Variants in IFT52 observed in about 807,000 individuals in gnomAD.
The protein encoded by IFT52 is intraflagellar transport protein 52 homolog.
IFT52 carries 44 observed loss-of-function variants against 54.4 expected under a neutral mutation model. The ratio of observed to expected loss-of-function variants is 0.81; its 90% CI spans 0.63 to 1.04. The LOEUF is 1.04. Ranked by LOEUF, IFT52 falls within the 50% of genes least tolerant of loss-of-function variation. IFT52 has a pLI of 0.00. For synonymous variants in IFT52, 181 were observed against 185.3 expected, an observed-to-expected ratio of 0.98 and a Z score of 0.19; for missense variants, 452 against 523.6, an observed-to-expected ratio of 0.86 and a Z score of 1.33.
intron 7 of IFT52, among the ~76,000 whole-genome samples, chr20:43,615,589 A>G (rs1029025694): frequency 4.0e-5 from 6 of 150,930 alleles, no homozygotes; most frequent in African/African-American, 1.2e-4. Context: ...GGATCACTTG[A>G]GGTCAGGAGT....
chr20:43,615,803 G>A (rs550900817), intron 7 of IFT52, among the ~76,000 whole-genome samples: 17 of 152,300 alleles, frequency 1.1e-4, no homozygotes, highest in African/African-American at 4.1e-4. Context: ...TGGGCGTGGT[G>A]TGGTGGCACG....
chr20:43,612,132 T>C (rs1983499576), intron 6 of IFT52, among the ~76,000 whole-genome samples: 1 of 152,132 alleles, frequency 6.6e-6, no homozygotes, highest in Non-Finnish European at 1.5e-5. Context: ...TTGATTGCAT[T>C]TTGGGAAAAT....
At chr20:43,600,902 C>T (rs977875322) in intron 3 of IFT52, among the ~76,000 whole-genome samples, 4 of 151,818 alleles carry the variant, frequency 2.6e-5, no homozygotes, top group Admixed American at 6.6e-5. Flanking sequence ...ACCCAGGAGG[C>T]GAAGTTTGCA....
At chr20:43,625,295 G>C (rs750193706) in intron 10 of IFT52, among the ~76,000 whole-genome samples, 2 of 152,080 alleles carry the variant, frequency 1.3e-5, no homozygotes, top group African/African-American at 4.8e-5. Context: ...AAGATCGCGA[G>C]GTCAGGCGTT....
At chr20:43,620,554 G>A (rs560900448) in intron 8 of IFT52, among the ~76,000 whole-genome samples, 1 of 152,162 alleles carries the variant, frequency 6.6e-6, no homozygotes, top group South Asian at 2.1e-4. Flanking sequence ...TCCTCAGGAG[G>A]CTGAGACAGG....
At chr20:43,610,905 T>A (rs888466951) in intron 6 of IFT52, among the ~76,000 whole-genome samples, 1 of 152,180 alleles carries the variant, frequency 6.6e-6, no homozygotes, top group African/African-American at 2.4e-5. Flanking sequence ...ATAGTAACTG[T>A]TAGTGTCTGT....
intron 7 of IFT52, 93 bp from the exon 8 acceptor site, chr20:43,618,847 G>T: frequency 1.2e-6 from 1 of 817,716 alleles, no homozygotes. Context: ...ATATAAGACA[G>T]TTGCTAGCAT....
intron 10 of IFT52, among the ~76,000 whole-genome samples, chr20:43,630,557 T>C (rs192991031): frequency 1.3e-5 from 2 of 152,364 alleles, no homozygotes; most frequent in East Asian, 3.9e-4. Context: ...TAAATATTTA[T>C]GTCAACTACA....
In IFT52 at chr20:43,626,371, C is replaced by A. The variant is rs1026217257; in HGVS notation, c.923+2326C>A. Among the ~76,000 whole-genome samples, 5 of 151,448 alleles carry A rather than the reference C, an allele frequency of 3.3e-5. No homozygotes were observed. The South Asian group carries it at 1.0e-3, about 32-fold the overall frequency. ...CTCTGCCTCCCAGGCTCAAGCAATTCTCCTGCCTGAGCCTCCTGAGTAGCA... is the reference window on the plus strand; with the variant it reads ...CTCTGCCTCCCAGGCTCAAGCAATTATCCTGCCTGAGCCTCCTGAGTAGCA... On this transcript the variant is annotated intron_variant, in intron 10 of 13. Transcript: ENST00000373030.
chr20:43,602,325 T>C (rs1982529790), intron 3 of IFT52, among the ~76,000 whole-genome samples: 1 of 151,596 alleles, frequency 6.6e-6, no homozygotes, highest in Non-Finnish European at 1.5e-5. Context: ...CCCCCACACC[T>C]GGCTATTTGT....
intron 7 of IFT52, 34 bp from the exon 8 acceptor site, chr20:43,618,906 A>T (rs1415452309): frequency 7.5e-6 from 11 of 1,460,148 alleles, no homozygotes; most frequent in Non-Finnish European, 1.1e-5. Flanking sequence ...GCACTTTCGG[A>T]TTTGAGTATC....
chr20:43,623,817 C>G (rs938143665), intron 9 of IFT52, 74 bp from the exon 10 acceptor site: 58 of 1,478,876 alleles, frequency 3.9e-5, no homozygotes, highest in Non-Finnish European at 5.5e-6. Flanking sequence ...AGATTTAGAC[C>G]TGAGACAGTG....
chr20:43,628,125 C>T (rs1347022243), intron 10 of IFT52, among the ~76,000 whole-genome samples: 1 of 151,766 alleles, frequency 6.6e-6, no homozygotes, highest in African/African-American at 2.4e-5. Flanking sequence ...GACGGGGTTT[C>T]ACCATATTGG....
At chr20:43,638,839 T>A (rs992848216) in intron 12 of IFT52, among the ~76,000 whole-genome samples, 5 of 152,162 alleles carry the variant, frequency 3.3e-5, no homozygotes, top group African/African-American at 9.6e-5. Flanking sequence ...TAAAACTGCA[T>A]GTACAAGAGG....
intron 3 of IFT52, among the ~76,000 whole-genome samples, chr20:43,597,381 A>AAAG (rs1555800925): frequency 0.03 from 4,436 of 146,286 alleles, 95 homozygotes; most frequent in Middle Eastern, 0.05. Context: ...CAAAAAAAAA[A>AAAG]AAAGAAAGAA....
rs189752141 is a variant in IFT52, at chr20:43,608,973, C to T, written c.485+3900C>T. Among the ~76,000 whole-genome samples the T allele has an allele frequency of 5.7e-4, 87 of 151,838 alleles. 1 individual carries two copies. Among genetic ancestry groups the T allele is most frequent in the African/African-American group, 2.0e-3 (81 of 41,372 alleles). The stretch of plus-strand genomic sequence containing the variant: ...GTGATTGGCTGTGTGCAGTGGCTCA[C>T]ACCTATAATCCCAGCACTTTGGGAG... On this transcript the variant is annotated intron_variant, in intron 6 of 13. Coordinates refer to ENST00000373030, the MANE Select transcript of IFT52 (RefSeq NM_016004.5).
intron 9 of IFT52, among the ~76,000 whole-genome samples, chr20:43,623,176 G>T (rs1984468634): frequency 6.6e-6 from 1 of 152,120 alleles, no homozygotes; most frequent in Admixed American, 6.6e-5. Context: ...CTAAAATGGT[G>T]AAAGGGAAAA....
intron 7 of IFT52, among the ~76,000 whole-genome samples, chr20:43,617,553 C>G (rs6030984): frequency 1.3e-5 from 2 of 151,984 alleles, no homozygotes; most frequent in African/African-American, 4.8e-5. Flanking sequence ...AAGTGATTCT[C>G]ATGCCTCAGC....
intron 3 of IFT52, among the ~76,000 whole-genome samples, chr20:43,602,651 G>A (rs1178524813): frequency 6.6e-6 from 1 of 151,408 alleles, no homozygotes; most frequent in Non-Finnish European, 1.5e-5. Context: ...TGGGGCTACG[G>A]GTGCATACCA....
Sources: allele counts gnomAD v4.1 joint callset (sites outside exome capture counted in the v4.1 genomes callset), GRCh38; gene constraint gnomAD v4.1.1; transcripts MANE v1.5; gene names NCBI Gene and HGNC (gene_info 2026-07-23, HGNC 2026-07-21).